Variants in PRKD1 observed in about 807,000 individuals in gnomAD.
The protein encoded by PRKD1 is serine/threonine-protein kinase D1.
Under a neutral mutation model 95.9 loss-of-function variants are expected in PRKD1, and 63 were observed. The observed-to-expected ratio is 0.66, with a 90% CI of 0.54 to 0.81. PRKD1 has a LOEUF of 0.81. Ranked by LOEUF, PRKD1 falls within the 30% of genes least tolerant of loss-of-function variation. The pLI, the probability that PRKD1 is intolerant of heterozygous loss-of-function variation, is 0.00. For missense variants in PRKD1, 1,048 were observed against 1,165.3 expected, an observed-to-expected ratio of 0.90 and a Z score of 1.47; for synonymous variants, 425 against 423.1, an observed-to-expected ratio of 1.00 and a Z score of -0.05.
In PRKD1 at chr14:29,906,030, G is replaced by A. The variant is rs187312126; in HGVS notation, c.264+21219C>T. 3.3e-5 allele frequency among the ~76,000 whole-genome samples: 5 copies of A among 152,210 alleles called. No individual in the cohort carries two copies. The East Asian group carries it at 9.6e-4, about 29-fold the overall frequency. ...GCAGAAAATTTAAAACACATGAGGT[G>A]TAAATCTGGATTGTCAAGAACTAAA... On this transcript the variant is annotated intron_variant, in intron 1 of 17. Coordinates refer to ENST00000331968, the MANE Select transcript of PRKD1 (RefSeq NM_002742.3).
At chr14:29,743,570 C>T (rs1887079261) in intron 1 of PRKD1, among the ~76,000 whole-genome samples, 1 of 152,138 alleles carries the variant, frequency 6.6e-6, no homozygotes, top group Admixed American at 6.5e-5. Flanking sequence ...CCTCACAAAA[C>T]TTCAAACACA....
At chr14:29,610,286 A>T (rs1878365395) in intron 13 of PRKD1, among the ~76,000 whole-genome samples, 1 of 152,218 alleles carries the variant, frequency 6.6e-6, no homozygotes, top group Non-Finnish European at 1.5e-5. Context: ...TAGAACTATT[A>T]TCTAAAATAT....
intron 1 of PRKD1, among the ~76,000 whole-genome samples, chr14:29,850,646 T>C (rs1229839527): frequency 6.6e-6 from 1 of 151,790 alleles, no homozygotes; most frequent in Non-Finnish European, 1.5e-5. Context: ...AAAATGGCCA[T>C]ACTTCCCAAA....
intron 1 of PRKD1, among the ~76,000 whole-genome samples, chr14:29,877,199 T>A (rs113571427): frequency 0.012 from 1,834 of 152,196 alleles, 14 homozygotes; most frequent in Admixed American, 0.018. Context: ...CAACAGAGAA[T>A]AACAAGTGTT....
intron 4 of PRKD1, chr14:29,656,580 G>T (rs2139192168): frequency 2.1e-6 from 3 of 1,426,068 alleles, no homozygotes; most frequent in South Asian, 1.2e-5. Flanking sequence ...CAACGTTATT[G>T]GATGGAAGCA....
chr14:29,672,080 T>C (rs1234578897), intron 2 of PRKD1, among the ~76,000 whole-genome samples: 1 of 152,166 alleles, frequency 6.6e-6, no homozygotes, highest in Non-Finnish European at 1.5e-5. Flanking sequence ...TGGTGGCTCA[T>C]GCCTGTAATC....
At chr14:29,879,911 T>A (rs917753083) in intron 1 of PRKD1, among the ~76,000 whole-genome samples, 3 of 152,136 alleles carry the variant, frequency 2.0e-5, no homozygotes, top group Non-Finnish European at 4.4e-5. Flanking sequence ...GGGTATCTAG[T>A]GGAAGAAGTT....
At chr14:29,684,904 C>T (rs916412065) in intron 2 of PRKD1, among the ~76,000 whole-genome samples, 2 of 152,198 alleles carry the variant, frequency 1.3e-5, no homozygotes, top group Non-Finnish European at 2.9e-5. Context: ...GGTTTTCTTG[C>T]TTTTCATGCT....
chr14:29,778,118 C>T (rs1378709995), intron 1 of PRKD1, among the ~76,000 whole-genome samples: 6 of 152,142 alleles, frequency 3.9e-5, no homozygotes, highest in Non-Finnish European at 5.9e-5. Flanking sequence ...CACAACATAC[C>T]AGACTCTCTG....
intron 1 of PRKD1, among the ~76,000 whole-genome samples, chr14:29,732,419 G>A (rs1200044031): frequency 4.6e-5 from 7 of 151,334 alleles, no homozygotes; most frequent in Admixed American, 6.6e-5. Context: ...TCCTCTTCCT[G>A]CCTTTATGCT....
At chr14:29,790,007 C>CT (rs34880091) in intron 1 of PRKD1, among the ~76,000 whole-genome samples, 7,803 of 97,260 alleles carry the variant, frequency 0.08, 882 homozygotes, top group African/African-American at 0.19. Flanking sequence ...AGCAAGTTGT[C>CT]TTTTTTTTTT....
At chr14:29,710,892 A>C (rs2139355308) in intron 2 of PRKD1, among the ~76,000 whole-genome samples, 1 of 152,270 alleles carries the variant, frequency 6.6e-6, no homozygotes, top group Admixed American at 6.5e-5. Flanking sequence ...TCATCTATGA[A>C]AGACAATCTG....
intron 15 of PRKD1, among the ~76,000 whole-genome samples, chr14:29,598,728 C>A (rs1235986240): frequency 1.3e-5 from 2 of 152,156 alleles, no homozygotes; most frequent in African/African-American, 4.8e-5. Context: ...GGTTTAATAT[C>A]TTGCCCATTA....
intron 1 of PRKD1, among the ~76,000 whole-genome samples, chr14:29,741,959 A>G (rs750786674): frequency 3.0e-4 from 46 of 152,098 alleles, no homozygotes; most frequent in Non-Finnish European, 6.2e-4. Context: ...GGATGCTGGC[A>G]TGGATTCAGT....
Position 29,647,733 on chromosome 14 carries a change from T to G in PRKD1, c.697-8829A>C, listed in dbSNP as rs962815144. Reference sequence around the variant, plus strand: ...AGCCTCTCCCTTCAAAAATGGCCCATAAGGATAACTTTATAGTGTTGCAGG... The same window carrying G: ...AGCCTCTCCCTTCAAAAATGGCCCAGAAGGATAACTTTATAGTGTTGCAGG... On this transcript the variant is annotated intron_variant, in intron 4 of 17. Transcript: ENST00000331968. Among the ~76,000 whole-genome samples the G allele has an allele frequency of 8.5e-5, 13 of 152,260 alleles. No homozygotes were observed. The South Asian group carries it at 2.5e-3, about 29-fold the overall frequency.
intron 1 of PRKD1, among the ~76,000 whole-genome samples, chr14:29,915,941 T>C (rs746209455): frequency 6.6e-5 from 10 of 152,094 alleles, no homozygotes; most frequent in Non-Finnish European, 1.5e-4. Flanking sequence ...ATCCTTAAAA[T>C]AGAGATAAAA....
intron 13 of PRKD1, 72 bp from the exon 14 acceptor site, chr14:29,599,889 C>A: frequency 1.4e-6 from 2 of 1,392,696 alleles, no homozygotes; most frequent in Non-Finnish European, 2.0e-6. Context: ...GCTGATTATA[C>A]AAAACTGTTC....
chr14:29,629,238 T>C (rs1879826991), intron 10 of PRKD1, 145 bp from the exon 11 acceptor site: 3 of 620,750 alleles, frequency 4.8e-6, no homozygotes, highest in Non-Finnish European at 8.5e-6. Context: ...AAAATGTCAT[T>C]AGAATATTTA....
intron 3 of PRKD1, among the ~76,000 whole-genome samples, chr14:29,664,615 G>T (rs1284758159): frequency 6.6e-6 from 1 of 152,152 alleles, no homozygotes; most frequent in East Asian, 1.9e-4. Context: ...TTCACAGACA[G>T]AAATTCAAAA....
Sources: allele counts gnomAD v4.1 joint callset (sites outside exome capture counted in the v4.1 genomes callset), GRCh38; gene constraint gnomAD v4.1.1; transcripts MANE v1.5; gene names NCBI Gene and HGNC (gene_info 2026-07-23, HGNC 2026-07-21).